The following GAREM1 variants were observed in gnomAD, a reference collection of about 807,000 sequenced individuals.
GAREM1 encodes GRB2-associated and regulator of MAPK protein 1.
GAREM1 carries 26 observed loss-of-function variants against 71.3 expected under a neutral mutation model. That is an observed-to-expected ratio of 0.36 (90% confidence interval 0.27 to 0.51). The LOEUF is 0.51. Among genes scored for constraint, GAREM1 ranks in the 20% least tolerant of loss-of-function variants. GAREM1 has a pLI of 0.95. For missense variants in GAREM1, 1,026 were observed against 1,103.1 expected (o/e 0.93, Z 0.99); for synonymous variants, 440 against 433.2 (o/e 1.02, Z -0.20).
At chr18:32,455,700 A>G (rs1019266586) in intron 1 of GAREM1, among the ~76,000 whole-genome samples, 1 of 152,194 alleles carries the variant, frequency 6.6e-6, no homozygotes, top group Admixed American at 6.5e-5. Flanking sequence ...AGAAAAACAC[A>G]TATCAGACCT....
At chr18:32,294,882 G>A (rs1251996592) in intron 3 of GAREM1, among the ~76,000 whole-genome samples, 1 of 152,100 alleles carries the variant, frequency 6.6e-6, no homozygotes, top group Non-Finnish European at 1.5e-5. Flanking sequence ...AGATTTTAAT[G>A]AGAATATTGT....
At chr18:32,363,321 T>G (rs1035588576) in intron 2 of GAREM1, among the ~76,000 whole-genome samples, 1 of 152,182 alleles carries the variant, frequency 6.6e-6, no homozygotes, top group African/African-American at 2.4e-5. Flanking sequence ...TAGTCCATGG[T>G]TCCATTCCTT....
chr18:32,441,992 T>A (rs1020675240), intron 1 of GAREM1, among the ~76,000 whole-genome samples: 19 of 146,972 alleles, frequency 1.3e-4, no homozygotes, highest in African/African-American at 4.9e-4. Flanking sequence ...GTGCAAATTG[T>A]AATTTTTTTT....
Position 32,356,239 on chromosome 18 carries a change from T to C in GAREM1, c.262+36656A>G, listed in dbSNP as rs180807421. On this transcript the variant is annotated intron_variant, in intron 2 of 5. Transcript: ENST00000269209. ...GAGTAATTCAAAATGCACTGATAAT[T>C]ATATACCAGGAATATTTGAATATGT... 4.5e-3 allele frequency among the ~76,000 whole-genome samples: 687 copies of C among 152,322 alleles called. 2 individuals carry two copies. Among genetic ancestry groups the C allele is most frequent in the Non-Finnish European group, 7.3e-3 (495 of 68,012 alleles).
chr18:32,426,118 G>A (rs574608575), intron 1 of GAREM1, among the ~76,000 whole-genome samples: 91 of 152,064 alleles, frequency 6.0e-4, no homozygotes, highest in Non-Finnish European at 1.1e-3. Flanking sequence ...TCCCAGGTTC[G>A]AGCAATTCTC....
chr18:32,268,067 G>C lies in GAREM1; in HGVS notation c.2435C>G (p.Ser812Cys). ...TAGTGACTTGGACACTTCCTCTATA[G>C]AGAGTCCTGATAGGTCAGCAGGTGG... ...WQPPADLSGL[S>C]IEEVSKSLRF... The change falls in exon 6 of 6, where the codon TCT becomes TGT. Residue 812 changes from serine to cysteine, a missense_variant. By Grantham distance (112) the Ser-to-Cys change is moderately radical. Transcript: ENST00000269209. The C allele has an allele frequency of 6.2e-7, 1 of 1,614,110 alleles. No homozygotes were observed. Among genetic ancestry groups the C allele is most frequent in the Non-Finnish European group, 8.5e-7 (1 of 1,179,960 alleles).
chr18:32,400,929 G>A (rs2048308256), intron 1 of GAREM1, among the ~76,000 whole-genome samples: 1 of 148,232 alleles, frequency 6.7e-6, no homozygotes. Flanking sequence ...CAACCCAAAT[G>A]TCCAACAATG....
chr18:32,314,663 A>T (rs1256759542), intron 2 of GAREM1, among the ~76,000 whole-genome samples: 1 of 150,284 alleles, frequency 6.7e-6, no homozygotes, highest in Non-Finnish European at 1.5e-5. Flanking sequence ...ATCTCAGCTC[A>T]CTGCAACCTC....
chr18:32,341,877 G>A (rs1024673980), intron 2 of GAREM1, among the ~76,000 whole-genome samples: 30 of 152,050 alleles, frequency 2.0e-4, no homozygotes, highest in Admixed American at 1.6e-3. Context: ...TAAAATCATC[G>A]GCGATGGGTG....
chr18:32,297,066 TATAA>T (rs1257975993), intron 3 of GAREM1, among the ~76,000 whole-genome samples: 2 of 152,230 alleles, frequency 1.3e-5, no homozygotes, highest in African/African-American at 4.8e-5. Context: ...CCCATTCATT[TATAA>T]ATAGTCTATG....
intron 2 of GAREM1, among the ~76,000 whole-genome samples, chr18:32,334,260 G>A (rs753694545): frequency 6.6e-6 from 1 of 151,940 alleles, no homozygotes; most frequent in Non-Finnish European, 1.5e-5. Flanking sequence ...CAGGCAGTTC[G>A]GATGTGCGAC....
At chr18:32,437,050 A>C (rs1287953219) in intron 1 of GAREM1, among the ~76,000 whole-genome samples, 1 of 152,200 alleles carries the variant, frequency 6.6e-6, no homozygotes, top group African/African-American at 2.4e-5. Flanking sequence ...GTAACTCTAT[A>C]ATGTTCTTCA....
At chr18:32,279,552 A>G (rs747286320) in intron 4 of GAREM1, among the ~76,000 whole-genome samples, 18 of 152,226 alleles carry the variant, frequency 1.2e-4, no homozygotes, top group Non-Finnish European at 2.5e-4. Flanking sequence ...ACCCCCAGAT[A>G]GGACCATCCA....
chr18:32,339,492 C>T (rs1374193685), intron 2 of GAREM1, among the ~76,000 whole-genome samples: 1 of 152,180 alleles, frequency 6.6e-6, no homozygotes, highest in Non-Finnish European at 1.5e-5. Context: ...TCCTTATAGA[C>T]TGAAATTTTC....
intron 1 of GAREM1, among the ~76,000 whole-genome samples, chr18:32,448,795 T>C (rs372660001): frequency 1.3e-5 from 2 of 152,172 alleles, no homozygotes; most frequent in African/African-American, 2.4e-5. Flanking sequence ...GTCTTTCTTG[T>C]TGGGGAGACT....
intron 1 of GAREM1, among the ~76,000 whole-genome samples, chr18:32,415,981 C>T (rs766518537): frequency 3.3e-5 from 5 of 152,016 alleles, no homozygotes; most frequent in Non-Finnish European, 5.9e-5. Context: ...AAACTAAAGG[C>T]TCCACCAAAA....
chr18:32,405,464 C>T (rs2048356162), intron 1 of GAREM1, among the ~76,000 whole-genome samples: 1 of 152,148 alleles, frequency 6.6e-6, no homozygotes, highest in Non-Finnish European at 1.5e-5. Context: ...TCCCAATGTG[C>T]TGGGATTACA....
chr18:32,291,315 A>AT (rs1307131174), intron 3 of GAREM1, among the ~76,000 whole-genome samples: 2 of 146,480 alleles, frequency 1.4e-5, no homozygotes, highest in African/African-American at 5.1e-5. Context: ...TATTTTTGTT[A>AT]CCAAAAAAAA....
At chr18:32,387,596 T>A (rs190967507) in intron 2 of GAREM1, among the ~76,000 whole-genome samples, 1 of 152,338 alleles carries the variant, frequency 6.6e-6, no homozygotes. Flanking sequence ...ATACGTGATG[T>A]TGACTGGACA....
Sources: allele counts gnomAD v4.1 joint callset (sites outside exome capture counted in the v4.1 genomes callset), GRCh38; gene constraint gnomAD v4.1.1; transcripts MANE v1.5; gene names NCBI Gene and HGNC (gene_info 2026-07-23, HGNC 2026-07-21).